Variants in LHFPL1 observed in about 807,000 individuals in gnomAD.
LHFPL1 encodes LHFPL tetraspan subfamily member 1 protein.
Under a neutral mutation model 12.1 loss-of-function variants are expected in LHFPL1, and 4 were observed. The ratio of observed to expected loss-of-function variants is 0.33; its 90% CI spans 0.16 to 0.76. The LOEUF (loss-of-function observed/expected upper bound fraction) is 0.76, where lower values mean the gene tolerates loss of function less well. LHFPL1 is among the 30% of genes least tolerant of loss of function. The pLI is 0.61. For missense variants in LHFPL1, 141 were observed against 174.1 expected, an observed-to-expected ratio of 0.81 and a Z score of 1.07; for synonymous variants, 52 against 61.9, an observed-to-expected ratio of 0.84 and a Z score of 0.75.
intron 3 of LHFPL1, among the ~76,000 whole-genome samples, chrX:112,636,665 C>T (rs142593729): frequency 2.7e-3 from 301 of 111,608 alleles, no homozygotes; most frequent in African/African-American, 8.9e-3. Context: ...GCACTGATTC[C>T]CTGGGAGTAA....
chrX:112,677,830 TA>T (rs1456539609), intron 1 of LHFPL1, among the ~76,000 whole-genome samples: 2 of 111,591 alleles, frequency 1.8e-5, no homozygotes, highest in African/African-American at 6.5e-5. Flanking sequence ...TTGGTGACTC[TA>T]AGAAGATCTC....
intron 3 of LHFPL1, among the ~76,000 whole-genome samples, chrX:112,658,474 G>T (rs921500731): frequency 4.6e-4 from 49 of 105,851 alleles, no homozygotes; most frequent in Admixed American, 1.9e-3. Flanking sequence ...CCAAGCAAAT[G>T]ATTTCAATGC....
intron 3 of LHFPL1, among the ~76,000 whole-genome samples, chrX:112,656,446 G>A (rs73551242): frequency 0.026 from 2,855 of 110,215 alleles, 97 homozygotes; most frequent in African/African-American, 0.087. Flanking sequence ...ATATTTTACC[G>A]CTAACACCAG....
chrX:112,633,640 TG>T (rs912639085), intron 3 of LHFPL1, among the ~76,000 whole-genome samples: 6 of 111,510 alleles, frequency 5.4e-5, no homozygotes, highest in Non-Finnish European at 9.4e-5. Context: ...TTATGACCAG[TG>T]TCAAGTGTTA....
chrX:112,635,341 G>C (rs1930308712), intron 3 of LHFPL1, among the ~76,000 whole-genome samples: 1 of 112,580 alleles, frequency 8.9e-6, no homozygotes, highest in Non-Finnish European at 1.9e-5. Flanking sequence ...CTGAGTTTCA[G>C]AAAGGTAAAT....
chrX:112,671,290 A>G lies in LHFPL1; in HGVS notation c.101T>C (p.Phe34Ser), dbSNP rs982065629. 2.5e-6 allele frequency: 3 copies of G among 1,210,585 alleles called. No individual in the cohort carries two copies. Among genetic ancestry groups the G allele is most frequent in the African/African-American group, 1.7e-5 (1 of 57,289 alleles). Residue 34 changes from phenylalanine to serine, a missense_variant, in exon 2 of 4, where the codon TTT becomes TCT. Transcript: ENST00000371968. The stretch of plus-strand genomic sequence containing the variant: ...CACTGGCTTCCCCATCTGGGATCCA[A>G]AGAGCCAGTAAGGTAGGAAGTAACT... ...STSYFLPYWL[F>S]GSQMGKPVSF... is the part of the protein sequence containing the mutation.
At chrX:112,653,364 C>A (rs1233484909) in intron 3 of LHFPL1, among the ~76,000 whole-genome samples, 4 of 111,664 alleles carry the variant, frequency 3.6e-5, no homozygotes, top group African/African-American at 1.3e-4. Context: ...TAATAACCAC[C>A]TTCTCAAGAA....
chrX:112,664,969 T>C (rs754869491), intron 2 of LHFPL1, among the ~76,000 whole-genome samples: 6 of 111,652 alleles, frequency 5.4e-5, no homozygotes, highest in Non-Finnish European at 1.1e-4. Flanking sequence ...AAGCACCCTG[T>C]AATGTGGACG....
intron 1 of LHFPL1, among the ~76,000 whole-genome samples, chrX:112,672,518 G>T (rs5974262): frequency 0.021 from 2,340 of 111,710 alleles, 58 homozygotes; most frequent in African/African-American, 0.073. Context: ...CACTGTGAAT[G>T]TCTCCAGCAG....
rs943830227 is a variant in LHFPL1, at chrX:112,648,906, T to C, written c.481+11721A>G. On this transcript the variant is annotated intron_variant, in intron 3 of 3. Coordinates refer to ENST00000371968, the MANE Select transcript of LHFPL1 (RefSeq NM_178175.4). ...ATAGATTGACTCTATTACCAACAAA[T>C]AGTGCTTTCAATAATAGGAAGTAGT... 5.4e-5 allele frequency among the ~76,000 whole-genome samples: 6 copies of C among 111,844 alleles called. No homozygotes were observed. In the East Asian group the frequency reaches 8.4e-4, roughly 16 times the overall value.
chrX:112,657,918 A>G (rs1297064307), intron 3 of LHFPL1, among the ~76,000 whole-genome samples: 3 of 110,924 alleles, frequency 2.7e-5, no homozygotes. Context: ...GCAAAAAAAA[A>G]AAAAAGAAAA....
chrX:112,661,063 A>C (rs777421405), intron 2 of LHFPL1, among the ~76,000 whole-genome samples: 3 of 111,968 alleles, frequency 2.7e-5, no homozygotes, highest in Non-Finnish European at 5.6e-5. Context: ...GGTCTGATAC[A>C]CAGAGAATAA....
chrX:112,671,313 A>G lies in LHFPL1; in HGVS notation c.78T>C (p.Ser26=), dbSNP rs1431093755. Residue 26 remains serine, a synonymous_variant, in exon 2 of 4, where the codon AGT becomes AGC. Transcript: ENST00000371968. ...SLVTAVTSST[S]YFLPYWLFGS... ...CAAAGAGCCAGTAAGGTAGGAAGTA[A>G]CTGGTAGAACTGGTCACAGCAGTAA... 1 of 1,211,813 alleles carries G rather than the reference A, an allele frequency of 8.3e-7. No homozygotes were observed. Among genetic ancestry groups the G allele is most frequent in the East Asian group, 3.0e-5 (1 of 33,850 alleles).
chrX:112,648,093 A>G (rs1056045932), intron 3 of LHFPL1, among the ~76,000 whole-genome samples: 1 of 104,818 alleles, frequency 9.5e-6, no homozygotes, highest in Non-Finnish European at 1.9e-5. Context: ...CAAACACTGC[A>G]TGATCTCACT....
chrX:112,641,803 C>T (rs918788762), intron 3 of LHFPL1, among the ~76,000 whole-genome samples: 1 of 111,942 alleles, frequency 8.9e-6, no homozygotes, highest in African/African-American at 3.3e-5. Context: ...GGGGAGAAGG[C>T]CCAGATGATT....
At chrX:112,639,529 A>G (rs1042569258) in intron 3 of LHFPL1, among the ~76,000 whole-genome samples, 1 of 111,630 alleles carries the variant, frequency 9.0e-6, no homozygotes, top group African/African-American at 3.3e-5. Context: ...CTCAAAGAAG[A>G]GCCAAGTCCT....
intron 3 of LHFPL1, among the ~76,000 whole-genome samples, chrX:112,643,152 G>A (rs771527256): frequency 2.8e-5 from 3 of 107,673 alleles, no homozygotes; most frequent in African/African-American, 1.0e-4. Flanking sequence ...AGGCTGAGAC[G>A]GGTGGATCAC....
At chrX:112,669,511 G>A (rs182591581) in intron 2 of LHFPL1, among the ~76,000 whole-genome samples, 3 of 112,541 alleles carry the variant, frequency 2.7e-5, no homozygotes, top group African/African-American at 9.7e-5. Context: ...GGCTAGAATG[G>A]TAATTCAGAT....
At chrX:112,651,143 C>T (rs1266818525) in intron 3 of LHFPL1, among the ~76,000 whole-genome samples, 1 of 111,722 alleles carries the variant, frequency 9.0e-6, no homozygotes. Context: ...GAAGAATTTC[C>T]CATTACTTAG....
Sources: gnomAD v4.1 joint callset for allele counts (sites outside exome capture counted in the v4.1 genomes callset) on GRCh38, gnomAD v4.1.1 for gene constraint, MANE v1.5 for transcripts, NCBI Gene and HGNC (gene_info 2026-07-23, HGNC 2026-07-21) for gene names.